Variants in TAFA1 observed in about 807,000 individuals in gnomAD.
The protein encoded by TAFA1 is chemokine-like protein TAFA-1.
TAFA1 carries 4 observed loss-of-function variants against 18.5 expected under a neutral mutation model. The ratio of observed to expected loss-of-function variants is 0.22; its 90% CI spans 0.11 to 0.49. The LOEUF (loss-of-function observed/expected upper bound fraction) is 0.49, where lower values mean the gene tolerates loss of function less well. Among genes scored for constraint, TAFA1 ranks in the 20% least tolerant of loss-of-function variants. The pLI is 0.98. For synonymous variants in TAFA1, 56 were observed against 55.2 expected (o/e 1.01, Z -0.06); for missense variants, 147 against 169.0 (o/e 0.87, Z 0.72).
chr3:68,166,074 T>C, intron 2 of TAFA1, among the ~76,000 whole-genome samples: 1 of 150,768 alleles, frequency 6.6e-6, no homozygotes, highest in East Asian at 2.0e-4. Flanking sequence ...AGATAGAAAA[T>C]TCTGCGCAAA....
At chr3:68,453,128 C>T (rs973179735) in intron 3 of TAFA1, among the ~76,000 whole-genome samples, 6 of 152,230 alleles carry the variant, frequency 3.9e-5, no homozygotes, top group Admixed American at 6.5e-5. Flanking sequence ...TTACTAACCT[C>T]GAGAGTCACC....
chr3:68,344,568 C>T (rs1303843014), intron 2 of TAFA1, among the ~76,000 whole-genome samples: 1 of 152,110 alleles, frequency 6.6e-6, no homozygotes, highest in African/African-American at 2.4e-5. Flanking sequence ...TCATTATTCT[C>T]ATTCTTCTAA....
At position 68,382,738 on chromosome 3, in the gene TAFA1, G is replaced by C. The variant is rs138578662; in HGVS notation, c.119-34542G>C. Among the ~76,000 whole-genome samples the C allele has an allele frequency of 7.9e-5, 12 of 152,170 alleles. No homozygotes were observed. In the East Asian group the frequency reaches 2.1e-3, roughly 27 times the overall value. On this transcript the variant is annotated intron_variant, in intron 2 of 4. Transcript: ENST00000478136. ...CTTTAAAATACTATTTTCTAGTTCT[G>C]TGAAGAATGTCATTGGTAGTTTAAT...
intron 2 of TAFA1, among the ~76,000 whole-genome samples, chr3:68,265,905 G>T (rs2067533302): frequency 6.6e-6 from 1 of 152,144 alleles, no homozygotes; most frequent in South Asian, 2.1e-4. Flanking sequence ...AAAGGTTTAT[G>T]CCTGAAAGTA....
intron 2 of TAFA1, among the ~76,000 whole-genome samples, chr3:68,027,561 C>T (rs568750933): frequency 1.3e-5 from 2 of 152,154 alleles, no homozygotes; most frequent in Non-Finnish European, 2.9e-5. Context: ...CTGTATCAGC[C>T]TGCCAACTTG....
At chr3:68,259,369 A>G (rs916385955) in intron 2 of TAFA1, among the ~76,000 whole-genome samples, 6 of 152,196 alleles carry the variant, frequency 3.9e-5, no homozygotes, top group African/African-American at 1.4e-4. Flanking sequence ...CAAGACATTG[A>G]TAGAAAAAGT....
At chr3:68,331,452 T>C (rs146753069) in intron 2 of TAFA1, among the ~76,000 whole-genome samples, 1 of 152,354 alleles carries the variant, frequency 6.6e-6, no homozygotes, top group African/African-American at 2.4e-5. Context: ...TTCAGGCATA[T>C]AGTAGATACT....
chr3:68,461,651 A>C (rs1023781790), intron 3 of TAFA1, among the ~76,000 whole-genome samples: 2 of 151,566 alleles, frequency 1.3e-5, no homozygotes, highest in Non-Finnish European at 2.9e-5. Context: ...GATGTCAGTA[A>C]GAATGAAACC....
In TAFA1 at chr3:68,160,090, G is replaced by A. The variant is rs73092974; in HGVS notation, c.118+153346G>A. Among the ~76,000 whole-genome samples the A allele has an allele frequency of 9.6e-3, 1,459 of 152,314 alleles. 13 individuals carry two copies. Among genetic ancestry groups the A allele is most frequent in the Non-Finnish European group, 0.017 (1,147 of 68,030 alleles). On this transcript the variant is annotated intron_variant, in intron 2 of 4. Transcript: ENST00000478136. ...AATAAGTGTATAGTAGAAATGGAAAGCTCTTGGGCTTCTGCAAGGTCAGTG... is the reference window on the plus strand; with the variant it reads ...AATAAGTGTATAGTAGAAATGGAAAACTCTTGGGCTTCTGCAAGGTCAGTG...
intron 3 of TAFA1, among the ~76,000 whole-genome samples, chr3:68,466,296 T>C (rs1054519419): frequency 7.2e-5 from 11 of 152,188 alleles, no homozygotes; most frequent in African/African-American, 2.4e-4. Context: ...TCAACAAAAA[T>C]GAAATGGAGC....
At chr3:68,013,350 A>T (rs1704508806) in intron 2 of TAFA1, among the ~76,000 whole-genome samples, 1 of 152,136 alleles carries the variant, frequency 6.6e-6, no homozygotes, top group African/African-American at 2.4e-5. Flanking sequence ...TGTCAGTATA[A>T]CATACATGTA....
intron 2 of TAFA1, among the ~76,000 whole-genome samples, chr3:68,195,033 C>A (rs973730016): frequency 6.6e-6 from 1 of 151,544 alleles, no homozygotes; most frequent in Non-Finnish European, 1.5e-5. Context: ...ACATGCCCAT[C>A]CATGTCTGGG....
At chr3:68,341,916 C>G (rs2069092227) in intron 2 of TAFA1, among the ~76,000 whole-genome samples, 1 of 152,180 alleles carries the variant, frequency 6.6e-6, no homozygotes, top group Admixed American at 6.5e-5. Context: ...AAAGTTTAGC[C>G]TGAAAAGGCC....
At chr3:68,354,303 G>T (rs1309267606) in intron 2 of TAFA1, among the ~76,000 whole-genome samples, 1 of 151,958 alleles carries the variant, frequency 6.6e-6, no homozygotes, top group Non-Finnish European at 1.5e-5. Context: ...GAAAGCTCAG[G>T]TGATCTGATG....
intron 2 of TAFA1, among the ~76,000 whole-genome samples, chr3:68,029,196 T>C (rs924980127): frequency 6.6e-6 from 1 of 152,196 alleles, no homozygotes; most frequent in Non-Finnish European, 1.5e-5. Context: ...AAGGTAGTAC[T>C]GATAAGTTCT....
chr3:68,212,528 C>T (rs2066609437), intron 2 of TAFA1, among the ~76,000 whole-genome samples: 1 of 151,918 alleles, frequency 6.6e-6, no homozygotes, highest in South Asian at 2.1e-4. Flanking sequence ...AGACATCTTC[C>T]CCCTGCAATG....
intron 2 of TAFA1, among the ~76,000 whole-genome samples, chr3:68,387,046 T>C (rs558013759): frequency 1.1e-4 from 17 of 152,022 alleles, no homozygotes; most frequent in African/African-American, 3.9e-4. Context: ...CCATACACTC[T>C]GTGCCTAATT....
chr3:68,105,535 A>G (rs959075257), intron 2 of TAFA1, among the ~76,000 whole-genome samples: 7 of 152,310 alleles, frequency 4.6e-5, no homozygotes, highest in Non-Finnish European at 1.0e-4. Context: ...CAAATAAAGC[A>G]AAAGAGATGA....
Position 68,544,535 on chromosome 3 carries a change from A to C in TAFA1, c.*32A>C. The C allele has an allele frequency of 6.2e-7, 1 of 1,608,642 alleles. No individual in the cohort carries two copies. The highest frequency in any genetic ancestry group is 8.5e-7 in the Non-Finnish European group (1 of 1,175,726). ...CATTTGTGGTAGTAAAGGAAAACCA[A>C]CCCTCTGGAAAATACATTTTGAGAA... On this transcript the variant is annotated 3_prime_UTR_variant, in exon 5 of 5. Coordinates refer to ENST00000478136, the MANE Select transcript of TAFA1 (RefSeq NM_213609.4).
Sources: allele counts gnomAD v4.1 joint callset (sites outside exome capture counted in the v4.1 genomes callset), GRCh38; gene constraint gnomAD v4.1.1; transcripts MANE v1.5; gene names NCBI Gene and HGNC (gene_info 2026-07-23, HGNC 2026-07-21).